The following ZZEF1 variants were observed in gnomAD, a reference collection of about 807,000 sequenced individuals.
ZZEF1 encodes the protein zinc finger ZZ-type and EF-hand domain containing 1.
In ZZEF1, 157 loss-of-function variants were observed where a neutral mutation model predicts 342.8. The ratio of observed to expected loss-of-function variants is 0.46; its 90% CI spans 0.40 to 0.52. The LOEUF is 0.52. Among genes scored for constraint, ZZEF1 ranks in the 20% least tolerant of loss-of-function variants. ZZEF1 has a pLI of 0.00. For synonymous variants in ZZEF1, 1,505 were observed against 1,429.1 expected, an observed-to-expected ratio of 1.05 and a Z score of -1.20; for missense variants, 3,480 against 3,725.6, an observed-to-expected ratio of 0.93 and a Z score of 1.72.
chr17:4,086,640 G>A lies in ZZEF1; in HGVS notation c.2358C>T (p.Cys786=), dbSNP rs200434069. 85 of 1,613,774 alleles carry A rather than the reference G, an allele frequency of 5.3e-5. No individual in the cohort carries two copies. The highest frequency in any genetic ancestry group is 6.7e-5 in the East Asian group (3 of 44,888). Residue 786 remains cysteine, a synonymous_variant, in exon 15 of 55, where the codon TGC becomes TGT. Transcript: ENST00000381638. ...SKLKQNPREE[C]VSAQTLLLQL... ...GCAGAAGCAGGGTTTGGGCAGAGAC[G>A]CATTCTTCCCTCGGGCTACAGAAAG... is the stretch of plus-strand genomic sequence containing the variant.
At chr17:4,038,312 C>T (rs1424778521) in intron 39 of ZZEF1, among the ~76,000 whole-genome samples, 2 of 152,178 alleles carry the variant, frequency 1.3e-5, no homozygotes, top group African/African-American at 2.4e-5. Context: ...CATTCAGATG[C>T]TCATCAAAAG....
intron 5 of ZZEF1, 97 bp from the exon 6 acceptor site, chr17:4,109,960 A>G: frequency 2.6e-6 from 3 of 1,144,496 alleles, no homozygotes; most frequent in East Asian, 2.4e-5. Flanking sequence ...ACATTTTGAA[A>G]AGAAAATTCT....
chr17:4,137,407 G>T (rs541849573), intron 1 of ZZEF1, among the ~76,000 whole-genome samples: 2 of 152,154 alleles, frequency 1.3e-5, no homozygotes, highest in Non-Finnish European at 2.9e-5. Flanking sequence ...TCAGGAGATC[G>T]AGACCATCCT....
At chr17:4,041,884 TA>T (rs969706603) in intron 39 of ZZEF1, among the ~76,000 whole-genome samples, 32 of 149,404 alleles carry the variant, frequency 2.1e-4, no homozygotes, top group South Asian at 8.5e-4. Flanking sequence ...GATCCTGATT[TA>T]AAAAAAAAAC....
rs767608053 is a variant in ZZEF1, at chr17:4,123,889, C to G, written c.499+18G>C. The stretch of plus-strand genomic sequence containing the variant: ...AGTTCACTTTGGTTCTAAGACAGCA[C>G]CTAGATGGAAGCCTCACCTGGAACC... On this transcript the variant is annotated intron_variant, in intron 2 of 54. Coordinates refer to ENST00000381638, the MANE Select transcript of ZZEF1 (RefSeq NM_015113.4). 2 of 1,610,036 alleles carry G rather than the reference C, an allele frequency of 1.2e-6. No homozygotes were observed. Among genetic ancestry groups the G allele is most frequent in the Non-Finnish European group, 1.7e-6 (2 of 1,178,522 alleles).
At chr17:4,121,529 G>A (rs2058482800) in intron 2 of ZZEF1, among the ~76,000 whole-genome samples, 1 of 152,092 alleles carries the variant, frequency 6.6e-6, no homozygotes, top group African/African-American at 2.4e-5. Context: ...GGGAGGCTGA[G>A]GCACAACAAT....
chr17:4,060,312 C>A (rs978325117), intron 30 of ZZEF1, among the ~76,000 whole-genome samples: 1 of 152,202 alleles, frequency 6.6e-6, no homozygotes, highest in East Asian at 1.9e-4. Context: ...CATCTGTAAT[C>A]CCATCACTTA....
At chr17:4,113,781 G>A in intron 4 of ZZEF1, among the ~76,000 whole-genome samples, 1 of 152,104 alleles carries the variant, frequency 6.6e-6, no homozygotes, top group Non-Finnish European at 1.5e-5. Flanking sequence ...ACAAGCCTGG[G>A]CAACGTAGTG....
At chr17:4,071,959 G>T (rs1326386220) in intron 25 of ZZEF1, among the ~76,000 whole-genome samples, 1 of 152,124 alleles carries the variant, frequency 6.6e-6, no homozygotes, top group Non-Finnish European at 1.5e-5. Context: ...TAGGGAAGGA[G>T]GAATATGAAA....
At chr17:4,038,626 G>A (rs1217168003) in intron 39 of ZZEF1, among the ~76,000 whole-genome samples, 2 of 152,108 alleles carry the variant, frequency 1.3e-5, no homozygotes. Context: ...CCAACATGGT[G>A]AAACCCCGGC....
In ZZEF1 at chr17:4,017,565, C is replaced by A. The variant is rs541338238; in HGVS notation, c.7807G>T (p.Val2603Phe). Residue 2603 changes from valine (V) to phenylalanine (F), a missense_variant, in exon 48 of 55, where the codon GTC becomes TTC. Physicochemically the swap from Val to Phe is conservative, Grantham distance 50. Transcript: ENST00000381638. This position sits in a 1 kb window ranked among gnomAD's most constrained non-coding sequence, Gnocchi z 5.1. Reference sequence around the variant, plus strand: ...TTCACTCGGAAGAGGTAGTCCCGGACAGCCCTCTTACTCTTGCAGTTCAGC... The same window carrying A: ...TTCACTCGGAAGAGGTAGTCCCGGAAAGCCCTCTTACTCTTGCAGTTCAGC... ...KELNCKSKRA[V>F]RDYLFRVNEA... 1.9e-6 allele frequency: 3 copies of A among 1,614,264 alleles called. No homozygotes were observed. Among genetic ancestry groups the A allele is most frequent in the Admixed American group, 3.3e-5 (2 of 60,034 alleles).
At chr17:4,010,044 C>A (rs2055905482) in intron 52 of ZZEF1, among the ~76,000 whole-genome samples, 1 of 152,142 alleles carries the variant, frequency 6.6e-6, no homozygotes, top group East Asian at 1.9e-4. Flanking sequence ...ATGTTACGGG[C>A]TACACATGGT....
chr17:4,110,912 C>T (rs1374240953), intron 5 of ZZEF1, among the ~76,000 whole-genome samples: 2 of 152,074 alleles, frequency 1.3e-5, no homozygotes, highest in African/African-American at 4.8e-5. Context: ...GGAGTTTCAC[C>T]ATGTTGGCCA....
At chr17:4,024,805 A>C in intron 43 of ZZEF1, 114 bp downstream of exon 43, 4 of 1,054,748 alleles carry the variant, frequency 3.8e-6, no homozygotes, top group Non-Finnish European at 5.8e-6. Flanking sequence ...AAAATAATCA[A>C]GATCCTATGG....
intron 11 of ZZEF1, among the ~76,000 whole-genome samples, chr17:4,091,281 G>A (rs1022169267): frequency 6.6e-6 from 1 of 152,172 alleles, no homozygotes; most frequent in Admixed American, 6.5e-5. Context: ...GTAAACATCT[G>A]AGGGCTTTCA....
Position 4,005,324 on chromosome 17 carries a change from A to G in ZZEF1, c.*1566T>C, listed in dbSNP as rs2055779423. ...TCTACGGAGCCAGCAGCACCTGCCT[A>G]TTCAGGTCCCAAGCCACAGGAACCA... is the stretch of plus-strand genomic sequence containing the variant. On this transcript the variant is annotated 3_prime_UTR_variant, in exon 55 of 55. Coordinates refer to ENST00000381638, the MANE Select transcript of ZZEF1 (RefSeq NM_015113.4). 1 of 152,448 alleles carries G rather than the reference A, an allele frequency of 6.6e-6. No individual in the cohort carries two copies. 9.4% of individuals were successfully genotyped at this position (152,448 alleles called of 1,614,324 possible).
intron 1 of ZZEF1, among the ~76,000 whole-genome samples, chr17:4,125,874 A>T (rs1489137059): frequency 6.6e-6 from 1 of 152,202 alleles, no homozygotes; most frequent in Non-Finnish European, 1.5e-5. Context: ...GTCATTGGAT[A>T]GAAGACAGAG....
intron 11 of ZZEF1, among the ~76,000 whole-genome samples, chr17:4,095,126 G>A (rs2058010585): frequency 6.6e-6 from 1 of 152,078 alleles, no homozygotes; most frequent in African/African-American, 2.4e-5. Context: ...TCAGCAATGC[G>A]GGACCTGCCC....
chr17:4,009,863 T>C (rs1312437496), intron 52 of ZZEF1, 106 bp from the exon 53 acceptor site: 1 of 1,320,840 alleles, frequency 7.6e-7, no homozygotes, highest in African/African-American at 1.5e-5. Flanking sequence ...CTCCCACAGC[T>C]GGTACAAATG....
Sources: gnomAD v4.1 joint callset for allele counts (sites outside exome capture counted in the v4.1 genomes callset) on GRCh38, gnomAD v4.1.1 for gene constraint, Gnocchi (gnomAD v3.1) non-coding constraint, MANE v1.5 for transcripts, NCBI Gene and HGNC (gene_info 2026-07-23, HGNC 2026-07-21) for gene names.